The following TFDP2 variants were observed in gnomAD, a reference collection of about 807,000 sequenced individuals.
TFDP2 encodes transcription factor Dp-2, also known as transcription factor Dp-2 (E2F dimerization partner 2).
Under a neutral mutation model 59.3 loss-of-function variants are expected in TFDP2, and 17 were observed. The ratio of observed to expected loss-of-function variants is 0.29; its 90% CI spans 0.20 to 0.43. The LOEUF is 0.43. Among genes scored for constraint, TFDP2 ranks in the 20% least tolerant of loss-of-function variants. The pLI is 1.00. For missense variants in TFDP2, 391 were observed against 528.8 expected, an observed-to-expected ratio of 0.74 and a Z score of 2.56; for synonymous variants, 180 against 194.7, an observed-to-expected ratio of 0.92 and a Z score of 0.63.
In TFDP2 at chr3:142,010,539, G is replaced by A. The variant is rs559165803; in HGVS notation, c.83-4995C>T. The stretch of plus-strand genomic sequence containing the variant: ...CAGGAGAATCGCTTGAACCCGGGAG[G>A]CAGAGGTTGCAGTGAGCCAAGATCG... On this transcript the variant is annotated intron_variant, in intron 3 of 12. Transcript: ENST00000489671. Among the ~76,000 whole-genome samples, 4 of 149,412 alleles carry A rather than the reference G, an allele frequency of 2.7e-5. No individual in the cohort carries two copies. In the South Asian group the frequency reaches 8.5e-4, roughly 32 times the overall value.
intron 3 of TFDP2, among the ~76,000 whole-genome samples, chr3:142,065,979 C>T (rs1205477884): frequency 2.0e-5 from 3 of 152,110 alleles, no homozygotes; most frequent in Non-Finnish European, 2.9e-5. Flanking sequence ...ATATAAGCTA[C>T]TGAATTTTTA....
chr3:142,008,704 TAC>T (rs1944407933), intron 3 of TFDP2, among the ~76,000 whole-genome samples: 1 of 152,060 alleles, frequency 6.6e-6, no homozygotes, highest in South Asian at 2.1e-4. Flanking sequence ...TATACGTATG[TAC>T]ATATATACAT....
At chr3:142,094,654 C>T (rs1240453924) in intron 2 of TFDP2, among the ~76,000 whole-genome samples, 1 of 151,954 alleles carries the variant, frequency 6.6e-6, no homozygotes, top group Non-Finnish European at 1.5e-5. Context: ...TTTTTTAACC[C>T]CTTTACTGAG....
chr3:141,978,529 A>G lies in TFDP2; in HGVS notation c.510T>C (p.Ala170=). ...TTCATGATTTACATACCGAATCAGC[A>G]GCCAAATGGTTATTTGAATTGGTGA... is the stretch of plus-strand genomic sequence containing the variant. ...SEFTNSNNHL[A]ADSAYDQKNI... Residue 170 remains alanine, a synonymous_variant, in exon 7 of 13, where the codon GCT becomes GCC. Coordinates refer to ENST00000489671, the MANE Select transcript of TFDP2 (RefSeq NM_001178139.2). 6.2e-7 allele frequency: 1 copy of G among 1,607,972 alleles called. No individual in the cohort carries two copies.
chr3:141,992,272 A>G (rs1942861775), intron 6 of TFDP2, among the ~76,000 whole-genome samples: 1 of 151,422 alleles, frequency 6.6e-6, no homozygotes. Context: ...AAATGATAAA[A>G]AAAAAATGCT....
chr3:142,076,310 G>C (rs1486397013), intron 3 of TFDP2, among the ~76,000 whole-genome samples: 1 of 152,058 alleles, frequency 6.6e-6, no homozygotes, highest in Non-Finnish European at 1.5e-5. Flanking sequence ...ACCCATACCA[G>C]AAGCAGAACC....
intron 1 of TFDP2, among the ~76,000 whole-genome samples, chr3:142,112,884 C>T (rs985807922): frequency 6.6e-6 from 1 of 152,132 alleles, no homozygotes; most frequent in Admixed American, 6.6e-5. Context: ...ATATATTATG[C>T]AATATTAACA....
At chr3:141,961,630 A>G (rs1937376421) in intron 10 of TFDP2, among the ~76,000 whole-genome samples, 1 of 152,172 alleles carries the variant, frequency 6.6e-6, no homozygotes, top group African/African-American at 2.4e-5. Context: ...AATAATTCAG[A>G]TATCTACCAC....
intron 8 of TFDP2, among the ~76,000 whole-genome samples, chr3:141,973,740 T>C (rs2108021065): frequency 6.6e-6 from 1 of 150,760 alleles, no homozygotes; most frequent in South Asian, 2.1e-4. Flanking sequence ...TAAGATACCA[T>C]TTCACCAAAA....
chr3:142,000,626 C>T lies in TFDP2; in HGVS notation c.186+4815G>A, dbSNP rs546480688. On this transcript the variant is annotated intron_variant, in intron 4 of 12. Coordinates refer to ENST00000489671, the MANE Select transcript of TFDP2 (RefSeq NM_001178139.2). ...ATAGTCTCACAAGTCTTAACTCCTT[C>T]CCAAAATCAGATATGGGTAAGACTC... is the stretch of plus-strand genomic sequence containing the variant. 1.2e-4 allele frequency among the ~76,000 whole-genome samples: 18 copies of T among 152,278 alleles called. No homozygotes were observed. In the South Asian group the frequency reaches 3.5e-3, roughly 30 times the overall value.
chr3:142,090,063 A>G (rs1026552825), intron 3 of TFDP2, among the ~76,000 whole-genome samples: 4 of 152,232 alleles, frequency 2.6e-5, no homozygotes, highest in Admixed American at 1.3e-4. Context: ...AATTTTACCA[A>G]TTAAAAGAAA....
At chr3:142,143,894 C>T (rs2063053812) in intron 1 of TFDP2, among the ~76,000 whole-genome samples, 1 of 152,180 alleles carries the variant, frequency 6.6e-6, no homozygotes, top group Non-Finnish European at 1.5e-5. Context: ...AGCAATCCCA[C>T]TGCTGGGTAT....
At chr3:142,148,977 G>C (rs1211707932) in intron 1 of TFDP2, among the ~76,000 whole-genome samples, 1 of 152,208 alleles carries the variant, frequency 6.6e-6, no homozygotes, top group Non-Finnish European at 1.5e-5. Context: ...TATGCACTAA[G>C]AGGGTGACCC....
rs530986555 is a variant in TFDP2 at position 142,112,783 on chromosome 3, G to A, written c.-92-10942C>T. Among the ~76,000 whole-genome samples the A allele has an allele frequency of 1.0e-3, 159 of 152,244 alleles. 1 individual carries two copies. Among genetic ancestry groups the A allele is most frequent in the African/African-American group, 3.8e-3 (157 of 41,526 alleles). ...ACATCCTCTTGTCTCAGCCTCCTGAGTAGCTGGGACTACAGGCACGTGCCA... is the reference window on the plus strand; with the variant it reads ...ACATCCTCTTGTCTCAGCCTCCTGAATAGCTGGGACTACAGGCACGTGCCA... On this transcript the variant is annotated intron_variant, in intron 1 of 12. Transcript: ENST00000489671.
At chr3:142,034,642 T>C (rs1295741048) in intron 3 of TFDP2, among the ~76,000 whole-genome samples, 2 of 152,046 alleles carry the variant, frequency 1.3e-5, no homozygotes, top group Non-Finnish European at 2.9e-5. Flanking sequence ...TTATGCTCCA[T>C]AGCCTTGCTG....
At chr3:141,967,657 C>A (rs1488808754) in intron 9 of TFDP2, among the ~76,000 whole-genome samples, 1 of 152,148 alleles carries the variant, frequency 6.6e-6, no homozygotes, top group African/African-American at 2.4e-5. Flanking sequence ...CTTTGGGTTT[C>A]ACTTTAATGT....
chr3:142,115,084 C>A (rs2061802502), intron 1 of TFDP2, among the ~76,000 whole-genome samples: 1 of 152,050 alleles, frequency 6.6e-6, no homozygotes, highest in Non-Finnish European at 1.5e-5. Context: ...CACTACAATT[C>A]TAACTAGCAG....
rs1019485120 is a variant in TFDP2 at position 142,065,890 on chromosome 3, G to A, written c.82+27171C>T. On this transcript the variant is annotated intron_variant, in intron 3 of 12. Transcript: ENST00000489671. ...AAACAGGCTTACTAGATATTTTGGG[G>A]CTTAAATTTGTGAAGTAAAATCCAA... Among the ~76,000 whole-genome samples the A allele has an allele frequency of 2.0e-4, 30 of 151,834 alleles. 1 individual carries two copies. Among genetic ancestry groups the A allele is most frequent in the Admixed American group, 1.4e-3 (22 of 15,214 alleles).
At chr3:141,966,071 T>G (rs1938004623) in intron 9 of TFDP2, among the ~76,000 whole-genome samples, 1 of 151,994 alleles carries the variant, frequency 6.6e-6, no homozygotes, top group Admixed American at 6.5e-5. Context: ...CTAATGGCCC[T>G]TATGTATTTG....
Sources: gnomAD v4.1 joint callset for allele counts (sites outside exome capture counted in the v4.1 genomes callset) on GRCh38, gnomAD v4.1.1 for gene constraint, MANE v1.5 for transcripts, NCBI Gene and HGNC (gene_info 2026-07-23, HGNC 2026-07-21) for gene names.